The following PCCA variants were observed in gnomAD, a reference collection of about 807,000 sequenced individuals.
PCCA encodes the protein propionyl-CoA carboxylase alpha chain, mitochondrial.
PCCA carries 74 observed loss-of-function variants against 101.3 expected under a neutral mutation model. The ratio of observed to expected loss-of-function variants is 0.73; its 90% confidence interval spans 0.61 to 0.89. The LOEUF (loss-of-function observed/expected upper bound fraction) is 0.89. PCCA is among the 40% of genes least tolerant of loss of function. PCCA has a pLI of 0.00. For missense variants in PCCA, 891 were observed against 907.0 expected (o/e 0.98, Z 0.23); for synonymous variants, 294 against 313.6 (o/e 0.94, Z 0.66).
intron 6 of PCCA, among the ~76,000 whole-genome samples, chr13:100,205,341 G>A (rs1001639597): frequency 6.6e-6 from 1 of 152,058 alleles, no homozygotes; most frequent in Non-Finnish European, 1.5e-5. Context: ...CAGATTTATG[G>A]GAGCCAAGAG....
intron 18 of PCCA, among the ~76,000 whole-genome samples, chr13:100,367,642 T>G (rs117989585): frequency 0.033 from 5,023 of 150,902 alleles, 121 homozygotes; most frequent in Middle Eastern, 0.066. Context: ...TAGTTTTTTT[T>G]TTGTTTTTTT....
intron 7 of PCCA, among the ~76,000 whole-genome samples, chr13:100,216,988 A>C (rs2152491167): frequency 6.6e-6 from 1 of 152,070 alleles, no homozygotes; most frequent in East Asian, 1.9e-4. Flanking sequence ...AGGTGCCTGT[A>C]ATCCCAGCTA....
chr13:100,519,060 T>G (rs193271817), intron 22 of PCCA, among the ~76,000 whole-genome samples: 17 of 152,330 alleles, frequency 1.1e-4, no homozygotes, highest in Admixed American at 9.8e-4. Flanking sequence ...CCTTTTGATA[T>G]CAGAAACAAA....
intron 20 of PCCA, among the ~76,000 whole-genome samples, chr13:100,440,318 T>G (rs1431385263): frequency 6.6e-6 from 1 of 150,696 alleles, no homozygotes; most frequent in Non-Finnish European, 1.5e-5. Context: ...TGTGAAACTA[T>G]CTGTAGTATA....
intron 19 of PCCA, among the ~76,000 whole-genome samples, chr13:100,378,594 A>G (rs912577743): frequency 2.0e-5 from 3 of 152,256 alleles, no homozygotes; most frequent in Middle Eastern, 3.4e-3. Flanking sequence ...ATTGTGTCCC[A>G]TATATCATGA....
At chr13:100,430,792 G>A (rs1441586000) in intron 20 of PCCA, among the ~76,000 whole-genome samples, 2 of 152,202 alleles carry the variant, frequency 1.3e-5, no homozygotes, top group Non-Finnish European at 2.9e-5. Context: ...GCAAGGCCAG[G>A]TGGGTTTCTC....
intron 19 of PCCA, among the ~76,000 whole-genome samples, chr13:100,400,260 C>T (rs992751777): frequency 1.3e-5 from 2 of 152,128 alleles, no homozygotes; most frequent in African/African-American, 2.4e-5. Context: ...GTTTAGTATG[C>T]GGGGTGACTT....
chr13:100,151,042 G>A (rs1425359626), intron 4 of PCCA: 14 of 1,555,826 alleles, frequency 9.0e-6, no homozygotes, highest in African/African-American at 2.7e-5. Context: ...GAAAGCGCAT[G>A]ACATCAGACT....
At chr13:100,421,673 G>A (rs2078766164) in intron 19 of PCCA, among the ~76,000 whole-genome samples, 1 of 151,256 alleles carries the variant, frequency 6.6e-6, no homozygotes. Context: ...TTCCTTTCTT[G>A]TACATGATTT....
intron 20 of PCCA, among the ~76,000 whole-genome samples, chr13:100,439,965 T>A (rs1336793603): frequency 6.6e-6 from 1 of 151,832 alleles, no homozygotes; most frequent in East Asian, 1.9e-4. Flanking sequence ...AAATTTATTA[T>A]AAATAACAGT....
intron 4 of PCCA, chr13:100,154,737 TAG>T: frequency 2.1e-6 from 1 of 478,910 alleles, no homozygotes. Context: ...CATAAAGAGA[TAG>T]GGGATATTAT....
chr13:100,218,074 A>G (rs940788080), intron 7 of PCCA, among the ~76,000 whole-genome samples: 52 of 99,850 alleles, frequency 5.2e-4, no homozygotes, highest in African/African-American at 2.0e-3. Flanking sequence ...GACTCTGTCT[A>G]AAAAAAAAAA....
Position 100,515,413 on chromosome 13 carries a change from G to A in PCCA, c.1900-14G>A. On this transcript the variant is annotated splice_polypyrimidine_tract_variant and intron_variant, in intron 21 of 23. Transcript: ENST00000376285. ...TTAAACTCATTTATGGTTTGGTTTT[G>A]TTTTTCCCTTAAGTACAAGGTGAAT... The A allele has an allele frequency of 6.2e-7, 1 of 1,613,200 alleles. No homozygotes were observed. The highest frequency in any genetic ancestry group is 1.1e-5 in the South Asian group (1 of 91,050).
intron 7 of PCCA, among the ~76,000 whole-genome samples, chr13:100,216,153 G>C (rs573479431): frequency 3.2e-4 from 47 of 147,262 alleles, no homozygotes; most frequent in Non-Finnish European, 5.7e-4. Context: ...CAGAACCCAA[G>C]GATATAGAGG....
chr13:100,332,342 A>G (rs1030279643), intron 17 of PCCA, among the ~76,000 whole-genome samples: 2 of 152,110 alleles, frequency 1.3e-5, no homozygotes, highest in Non-Finnish European at 2.9e-5. Flanking sequence ...ATTTTAATTA[A>G]AAGTTGTAGT....
intron 18 of PCCA, among the ~76,000 whole-genome samples, chr13:100,354,116 T>TAATAAA (rs1270182815): frequency 1.6e-5 from 2 of 128,852 alleles, no homozygotes; most frequent in African/African-American, 5.5e-5. Context: ...ATAATAATAA[T>TAATAAA]AATAAAATAA....
intron 21 of PCCA, among the ~76,000 whole-genome samples, chr13:100,506,695 T>C (rs1159436401): frequency 6.6e-6 from 1 of 152,064 alleles, no homozygotes; most frequent in Non-Finnish European, 1.5e-5. Context: ...AAGTCAGAGC[T>C]CCCCATCTTT....
intron 4 of PCCA, among the ~76,000 whole-genome samples, chr13:100,137,233 GT>G (rs2051293124): frequency 6.6e-6 from 1 of 151,794 alleles, no homozygotes; most frequent in South Asian, 2.1e-4. Context: ...TATTATTATA[GT>G]TTTTTTCAGT....
intron 21 of PCCA, among the ~76,000 whole-genome samples, chr13:100,509,716 A>G (rs931849699): frequency 4.6e-5 from 7 of 152,310 alleles, no homozygotes; most frequent in East Asian, 1.9e-4. Context: ...GGTAGATGAA[A>G]ATGATTCTGT....
Sources: gnomAD v4.1 joint callset for allele counts (sites outside exome capture counted in the v4.1 genomes callset) on GRCh38, gnomAD v4.1.1 for gene constraint, MANE v1.5 for transcripts, NCBI Gene and HGNC (gene_info 2026-07-23, HGNC 2026-07-21) for gene names.